BAZ2B: variants seen among roughly 807,000 people sequenced by gnomAD.
The protein encoded by BAZ2B is bromodomain adjacent to zinc finger domain 2B, also known as bromodomain adjacent to zinc finger domain protein 2B.
Under a neutral mutation model 246.0 loss-of-function variants are expected in BAZ2B, and 91 were observed. The ratio of observed to expected loss-of-function variants is 0.37; its 90% confidence interval spans 0.31 to 0.44. The LOEUF (loss-of-function observed/expected upper bound fraction) is 0.44, where lower values mean the gene tolerates loss of function less well. BAZ2B is among the 20% of genes least tolerant of loss of function. BAZ2B has a pLI of 1.00. For missense variants in BAZ2B, 2,332 were observed against 2,533.7 expected (o/e 0.92, Z 1.71); for synonymous variants, 855 against 860.0 (o/e 0.99, Z 0.10).
chr2:159,651,830 T>C, the BAZ2B span, among the ~76,000 whole-genome samples: 52 of 152,164 alleles, frequency 3.4e-4, no homozygotes, highest in Non-Finnish European at 6.5e-4. Flanking sequence ...TCCTTTCACA[T>C]AGCATAAGTT....
At position 159,320,436 on chromosome 2, in the gene BAZ2B, A is replaced by G. The variant is rs980782935; in HGVS notation, c.6354-18T>C. On this transcript the variant is annotated intron_variant, in intron 36 of 36. Transcript: ENST00000392783. Reference sequence around the variant, plus strand: ...TTGGATACCTGAAAGAAAACAAATAATTAGAGATTGCGTTCATAGAGTGGA... The same window carrying G: ...TTGGATACCTGAAAGAAAACAAATAGTTAGAGATTGCGTTCATAGAGTGGA... 2 of 1,535,814 alleles carry G rather than the reference A, an allele frequency of 1.3e-6. No homozygotes were observed. Among genetic ancestry groups the G allele is most frequent in the Non-Finnish European group, 1.7e-6 (2 of 1,148,452 alleles).
the BAZ2B span, among the ~76,000 whole-genome samples, chr2:159,629,816 A>C: frequency 6.6e-6 from 1 of 152,210 alleles, no homozygotes; most frequent in Non-Finnish European, 1.5e-5. Context: ...CAGAACTTAA[A>C]GTATAATAAA....
upstream of BAZ2B, chr2:159,617,196 CTT>C (rs1398563894): frequency 1.3e-5 from 2 of 151,992 alleles, no homozygotes; most frequent in South Asian, 2.1e-4. Flanking sequence ...GCACTGAACA[CTT>C]TTTAAAAATC....
chr2:159,349,415 C>T, intron 28 of BAZ2B, 135 bp from the exon 29 acceptor site: 1 of 980,258 alleles, frequency 1.0e-6, no homozygotes, highest in Non-Finnish European at 1.4e-6. Flanking sequence ...AAACAAAATA[C>T]ATTAGCAACA....
chr2:159,641,123 AG>A, the BAZ2B span, among the ~76,000 whole-genome samples: 18 of 152,162 alleles, frequency 1.2e-4, no homozygotes, highest in Non-Finnish European at 2.5e-4. Flanking sequence ...TGGAAAATCT[AG>A]AAGAAATGAT....
chr2:159,505,072 T>C (rs905812278), intron 2 of BAZ2B, among the ~76,000 whole-genome samples: 3 of 152,212 alleles, frequency 2.0e-5, no homozygotes, highest in Non-Finnish European at 2.9e-5. Flanking sequence ...ACTTATGCAA[T>C]ATCTTCAAAT....
At chr2:159,673,497 T>C in the BAZ2B span, among the ~76,000 whole-genome samples, 1 of 152,208 alleles carries the variant, frequency 6.6e-6, no homozygotes, top group African/African-American at 2.4e-5. Context: ...AACAATTCCA[T>C]TTCTGGAATT....
At chr2:159,553,173 T>C (rs551084282) in intron 2 of BAZ2B, among the ~76,000 whole-genome samples, 3 of 151,536 alleles carry the variant, frequency 2.0e-5, no homozygotes, top group Non-Finnish European at 4.4e-5. Context: ...GGCGGGTAGA[T>C]CACTTGAGGT....
chr2:159,578,572 G>A (rs1685924173), intron 1 of BAZ2B, among the ~76,000 whole-genome samples: 1 of 152,130 alleles, frequency 6.6e-6, no homozygotes, highest in African/African-American at 2.4e-5. Context: ...GCACCAAGCA[G>A]ACCTAATAGA....
At chr2:159,507,278 T>C (rs370270534) in intron 2 of BAZ2B, among the ~76,000 whole-genome samples, 2 of 151,940 alleles carry the variant, frequency 1.3e-5, no homozygotes, top group African/African-American at 4.8e-5. Context: ...CTTGAAGAAA[T>C]AGGCTCCAGA....
chr2:159,553,555 G>T (rs753956915), intron 2 of BAZ2B, among the ~76,000 whole-genome samples: 2 of 151,980 alleles, frequency 1.3e-5, no homozygotes, highest in African/African-American at 4.8e-5. Context: ...AAAAGGAACC[G>T]AGCAATGCTT....
intron 6 of BAZ2B, among the ~76,000 whole-genome samples, chr2:159,441,681 A>G (rs142152344): frequency 0.015 from 2,258 of 152,256 alleles, 65 homozygotes; most frequent in East Asian, 0.092. Context: ...TCAGGGTCTC[A>G]CTTTGTCACC....
chr2:159,359,853 C>A (rs1425357588), intron 27 of BAZ2B, among the ~76,000 whole-genome samples: 1 of 152,054 alleles, frequency 6.6e-6, no homozygotes, highest in Non-Finnish European at 1.5e-5. Flanking sequence ...AATGACAAAA[C>A]CCACATGATT....
chr2:159,480,759 T>C (rs2079141780), intron 2 of BAZ2B, among the ~76,000 whole-genome samples: 1 of 152,104 alleles, frequency 6.6e-6, no homozygotes, highest in Non-Finnish European at 1.5e-5. Flanking sequence ...TTTTTTTTCT[T>C]CTATATCTGG....
intron 1 of BAZ2B, among the ~76,000 whole-genome samples, chr2:159,606,845 A>G (rs1249243832): frequency 6.6e-6 from 1 of 152,034 alleles, no homozygotes; most frequent in African/African-American, 2.4e-5. Flanking sequence ...ACATTATGTA[A>G]AAGATCTTTC....
intron 3 of BAZ2B, among the ~76,000 whole-genome samples, chr2:159,477,184 G>A (rs1424665153): frequency 6.6e-6 from 1 of 151,880 alleles, no homozygotes; most frequent in African/African-American, 2.4e-5. Context: ...GGGCACCTGC[G>A]GTCCCAGCTA....
chr2:159,619,237 C>T (rs1445121521), upstream of BAZ2B, among the ~76,000 whole-genome samples: 1 of 151,846 alleles, frequency 6.6e-6, no homozygotes, highest in Non-Finnish European at 1.5e-5. Context: ...GAGCCATATA[C>T]AACCCAAAGT....
chr2:159,414,697 G>A (rs1014302751), intron 13 of BAZ2B, among the ~76,000 whole-genome samples: 1 of 151,740 alleles, frequency 6.6e-6, no homozygotes, highest in African/African-American at 2.4e-5. Flanking sequence ...GGTGCCTGTA[G>A]TGCTAGCTAC....
chr2:159,621,534 A>G (rs1696430078), upstream of BAZ2B, among the ~76,000 whole-genome samples: 1 of 152,244 alleles, frequency 6.6e-6, no homozygotes, highest in South Asian at 2.1e-4. Context: ...AAACCTTTAA[A>G]GCTTAATAGT....
Sources: gnomAD v4.1 joint callset for allele counts (sites outside exome capture counted in the v4.1 genomes callset) on GRCh38, gnomAD v4.1.1 for gene constraint, MANE v1.5 for transcripts, NCBI Gene and HGNC (gene_info 2026-07-23, HGNC 2026-07-21) for gene names.